The following P4HA1 variants were observed in gnomAD, a reference collection of about 807,000 sequenced individuals.
P4HA1 encodes the protein prolyl 4-hydroxylase subunit alpha 1, also known as prolyl 4-hydroxylase subunit alpha-1.
Under a neutral mutation model 72.8 loss-of-function variants are expected in P4HA1, and 24 were observed. The ratio of observed to expected loss-of-function variants is 0.33; its 90% CI spans 0.24 to 0.46. The LOEUF (loss-of-function observed/expected upper bound fraction) is 0.46. Ranked by LOEUF, P4HA1 falls within the 20% of genes least tolerant of loss-of-function variation. The pLI is 1.00. For missense variants in P4HA1, 446 were observed against 640.6 expected (o/e 0.70, Z 3.28); for synonymous variants, 201 against 218.8 (o/e 0.92, Z 0.72).
intron 10 of P4HA1, among the ~76,000 whole-genome samples, chr10:73,028,910 C>T (rs1026919804): frequency 1.7e-4 from 26 of 149,700 alleles, no homozygotes; most frequent in African/African-American, 7.4e-5. Flanking sequence ...CTAGCCGTGG[C>T]GGCATGTGCC....
intron 5 of P4HA1, among the ~76,000 whole-genome samples, chr10:73,058,674 C>A (rs1207295729): frequency 2.0e-5 from 3 of 151,338 alleles, no homozygotes; most frequent in Non-Finnish European, 4.4e-5. Flanking sequence ...AGTAATAACA[C>A]GTAGCTATAA....
chr10:73,084,006 TA>T (rs1230416717), intron 1 of P4HA1, among the ~76,000 whole-genome samples: 1 of 152,208 alleles, frequency 6.6e-6, no homozygotes, highest in Admixed American at 6.5e-5. Context: ...AGTAAATAGA[TA>T]AATCATAGAG....
intron 1 of P4HA1, among the ~76,000 whole-genome samples, chr10:73,094,432 T>G (rs753803203): frequency 6.6e-6 from 1 of 152,162 alleles, no homozygotes; most frequent in Non-Finnish European, 1.5e-5. Context: ...AAATTCCATG[T>G]AGGGTGTATT....
At chr10:73,086,670 C>T (rs1384953691) in intron 1 of P4HA1, among the ~76,000 whole-genome samples, 4 of 152,130 alleles carry the variant, frequency 2.6e-5, no homozygotes, top group Admixed American at 2.0e-4. Flanking sequence ...CGGTGGCTCA[C>T]GCCTGTAATC....
In P4HA1 at chr10:73,007,696, T is replaced by C. The variant is rs1839823600; in HGVS notation, c.*526A>G. 6.6e-6 allele frequency: 1 copy of C among 152,026 alleles called. No homozygotes were observed. Among genetic ancestry groups the C allele is most frequent in the Non-Finnish European group, 1.5e-5 (1 of 68,046 alleles). 9.4% of individuals were successfully genotyped at this position (152,026 alleles called of 1,614,324 possible). On this transcript the variant is annotated 3_prime_UTR_variant, in exon 15 of 15. Transcript: ENST00000394890. Reference sequence around the variant, plus strand: ...CAGTATACTTTCTTTAAAAAAGACTTGGGAGGAAAAAAATCAACTTAGAAG... The same window carrying C: ...CAGTATACTTTCTTTAAAAAAGACTCGGGAGGAAAAAAATCAACTTAGAAG...
chr10:73,076,773 AG>A lies in P4HA1; in HGVS notation c.-32-1859del, dbSNP rs1841706239. On this transcript the variant is annotated intron_variant, in intron 1 of 14. Coordinates refer to ENST00000394890, the MANE Select transcript of P4HA1 (RefSeq NM_001017962.3). Reference sequence around the variant, plus strand: ...GTTACATTACAGTATAGTTTGCCCCAGTAACAGGCTCCCATTAGTTACCCTG... The same window carrying A: ...GTTACATTACAGTATAGTTTGCCCCATAACAGGCTCCCATTAGTTACCCTG... Among the ~76,000 whole-genome samples, 7 of 152,230 alleles carry A rather than the reference AG, an allele frequency of 4.6e-5. No individual in the cohort carries two copies. The South Asian group carries it at 1.5e-3, about 32-fold the overall frequency.
rs1458512370 is a variant in P4HA1, at chr10:73,082,656, C to CAAAA, written c.-32-7742_-32-7741insTTTT. 274 of 152,014 alleles carry CAAAA rather than the reference C, an allele frequency of 1.8e-3. 1 individual carries two copies. Among genetic ancestry groups the CAAAA allele is most frequent in the African/African-American group, 6.3e-3 (261 of 41,304 alleles). The allele number at this position is 152,014 out of a possible 1,614,324, so 9.4% of individuals were successfully genotyped here. A position where few individuals can be genotyped will look rare whatever the true frequency, so the allele number is the denominator to read the frequency against. On this transcript the variant is annotated intron_variant, in intron 1 of 14. Transcript: ENST00000394890. ...ACACTTAAAATTTTCCACAGGGGTT[C>CAAAA]TTTTAACCTTCGACACTTGTTCCAA...
chr10:73,084,699 G>A (rs143258994), intron 1 of P4HA1, among the ~76,000 whole-genome samples: 15 of 152,222 alleles, frequency 9.9e-5, no homozygotes, highest in East Asian at 3.9e-4. Flanking sequence ...GAAAATGACC[G>A]TTATATACAA....
intron 9 of P4HA1, among the ~76,000 whole-genome samples, chr10:73,034,875 C>T (rs1257799878): frequency 6.6e-6 from 1 of 152,002 alleles, no homozygotes; most frequent in Non-Finnish European, 1.5e-5. Flanking sequence ...GCCACCACAC[C>T]CAGCCAAAAT....
intron 5 of P4HA1, among the ~76,000 whole-genome samples, chr10:73,060,873 T>C (rs1050509627): frequency 6.6e-6 from 1 of 152,042 alleles, no homozygotes; most frequent in Non-Finnish European, 1.5e-5. Context: ...CTACTAAAAA[T>C]GGTTAGGACA....
At chr10:73,092,493 T>C (rs1227631099) in intron 1 of P4HA1, among the ~76,000 whole-genome samples, 1 of 150,778 alleles carries the variant, frequency 6.6e-6, no homozygotes, top group Non-Finnish European at 1.5e-5. Context: ...AGACTACAGA[T>C]GCATGCAACC....
intron 3 of P4HA1, among the ~76,000 whole-genome samples, chr10:73,072,548 T>C (rs1191956966): frequency 6.6e-6 from 1 of 152,158 alleles, no homozygotes; most frequent in Non-Finnish European, 1.5e-5. Flanking sequence ...CCAAATTCAA[T>C]TACATGTTCA....
At chr10:73,043,846 T>C in intron 9 of P4HA1, 3 of 1,387,168 alleles carry the variant, frequency 2.2e-6, no homozygotes, top group East Asian at 2.3e-5. Context: ...AAGAAAGAAA[T>C]GGTCCAAATA....
At chr10:73,056,969 A>T (rs1589608191) in intron 5 of P4HA1, among the ~76,000 whole-genome samples, 1 of 150,136 alleles carries the variant, frequency 6.7e-6, no homozygotes, top group Non-Finnish European at 1.5e-5. Context: ...CTGTGGCAGG[A>T]GAATGGTGTG....
intron 10 of P4HA1, among the ~76,000 whole-genome samples, chr10:73,021,532 A>G (rs1338379477): frequency 6.6e-6 from 1 of 152,254 alleles, no homozygotes; most frequent in Non-Finnish European, 1.5e-5. Flanking sequence ...GGAGTTCATT[A>G]TATTAGTAAA....
chr10:73,019,186 C>T (rs1284358843), intron 10 of P4HA1, among the ~76,000 whole-genome samples: 1 of 152,172 alleles, frequency 6.6e-6, no homozygotes, highest in Admixed American at 6.5e-5. Flanking sequence ...GCTGTTGAGG[C>T]ACCCACAGTT....
chr10:73,049,128 A>AAAAAAAG lies in P4HA1; in HGVS notation c.900+1924_900+1925insCTTTTTT, dbSNP rs144626644. 2.6e-5 allele frequency among the ~76,000 whole-genome samples: 4 copies of AAAAAAAG among 151,000 alleles called. 1 individual carries two copies. The highest frequency in any genetic ancestry group is 4.9e-5 in the African/African-American group (2 of 40,696). ...CGAGACTCCGTCTCAGAGAAAAAAA[A>AAAAAAAG]AAGAAAATAATGAGTCTAACAGTGT... On this transcript the variant is annotated intron_variant, in intron 7 of 14. Coordinates refer to ENST00000394890, the MANE Select transcript of P4HA1 (RefSeq NM_001017962.3).
intron 5 of P4HA1, among the ~76,000 whole-genome samples, chr10:73,058,747 A>G (rs1429841208): frequency 6.6e-6 from 1 of 151,994 alleles, no homozygotes; most frequent in Non-Finnish European, 1.5e-5. Context: ...TTAAAGCACC[A>G]AAGTACATAA....
chr10:73,025,561 G>C (rs1442996748), intron 10 of P4HA1, among the ~76,000 whole-genome samples: 1 of 152,056 alleles, frequency 6.6e-6, no homozygotes, highest in Non-Finnish European at 1.5e-5. Context: ...ACAAGACAAG[G>C]ATACCCTCCC....
Sources: gnomAD v4.1 joint callset for allele counts (sites outside exome capture counted in the v4.1 genomes callset) on GRCh38, gnomAD v4.1.1 for gene constraint, MANE v1.5 for transcripts, NCBI Gene and HGNC (gene_info 2026-07-23, HGNC 2026-07-21) for gene names.